The following ZDHHC14 variants were observed in gnomAD, a reference collection of about 807,000 sequenced individuals.
ZDHHC14 encodes palmitoyltransferase ZDHHC14.
Under a neutral mutation model 47.7 loss-of-function variants are expected in ZDHHC14, and 16 were observed. The observed-to-expected ratio is 0.34, with a 90% CI of 0.23 to 0.51. ZDHHC14 has a LOEUF of 0.51. Ranked by LOEUF, ZDHHC14 falls within the 20% of genes least tolerant of loss-of-function variation. ZDHHC14 has a pLI of 0.97. For synonymous variants in ZDHHC14, 293 were observed against 278.9 expected (o/e 1.05, Z -0.50); for missense variants, 515 against 662.5 (o/e 0.78, Z 2.44).
chr6:157,506,997 C>G (rs940559727), intron 1 of ZDHHC14, among the ~76,000 whole-genome samples: 1 of 152,186 alleles, frequency 6.6e-6, no homozygotes, highest in East Asian at 1.9e-4. Flanking sequence ...CCAGCCATCT[C>G]CTGTGACCCT....
At chr6:157,542,427 G>A (rs984429740) in intron 1 of ZDHHC14, among the ~76,000 whole-genome samples, 158 bp from the exon 2 acceptor site, 2 of 152,318 alleles carry the variant, frequency 1.3e-5, no homozygotes, top group Non-Finnish European at 2.9e-5. Flanking sequence ...CTCCCCAAAC[G>A]TAAATCTTTC....
intron 1 of ZDHHC14, among the ~76,000 whole-genome samples, chr6:157,432,833 TTCA>T (rs2114782669): frequency 6.6e-6 from 1 of 152,338 alleles, no homozygotes; most frequent in South Asian, 2.1e-4. Flanking sequence ...AAAACAGCTT[TTCA>T]TGCTTCTGGA....
chr6:157,382,684 T>A (rs148577310), intron 1 of ZDHHC14, among the ~76,000 whole-genome samples: 1 of 152,292 alleles, frequency 6.6e-6, no homozygotes, highest in Non-Finnish European at 1.5e-5. Flanking sequence ...ACTGACTTTT[T>A]CCCCCTTGCT....
rs564438368 is a variant in ZDHHC14 at position 157,541,375 on chromosome 6, G to A, written c.246-1210G>A. Among the ~76,000 whole-genome samples the A allele has an allele frequency of 1.2e-4, 18 of 152,248 alleles. No individual in the cohort carries two copies. The South Asian group carries it at 1.2e-3, about 11-fold the overall frequency. The stretch of plus-strand genomic sequence containing the variant: ...AAGTCCCAGACTCGTGCCAGCATCC[G>A]TTTGCCATCCATCAGAGACCTGAAC... On this transcript the variant is annotated intron_variant, in intron 1 of 8. Transcript: ENST00000359775.
At chr6:157,440,263 C>T (rs1778535518) in intron 1 of ZDHHC14, among the ~76,000 whole-genome samples, 1 of 152,016 alleles carries the variant, frequency 6.6e-6, no homozygotes, top group South Asian at 2.1e-4. Flanking sequence ...CTCAAATAGA[C>T]ATTTCTGCAA....
At chr6:157,613,859 A>G (rs552524825) in intron 3 of ZDHHC14, among the ~76,000 whole-genome samples, 2 of 152,248 alleles carry the variant, frequency 1.3e-5, no homozygotes, top group South Asian at 4.1e-4. Flanking sequence ...TTAAACCAGT[A>G]AGGAATGAAA....
At chr6:157,555,144 C>T (rs1459499144) in intron 2 of ZDHHC14, among the ~76,000 whole-genome samples, 1 of 152,230 alleles carries the variant, frequency 6.6e-6, no homozygotes, top group African/African-American at 2.4e-5. Flanking sequence ...TTTGGATGCA[C>T]CTTCCTCAAT....
intron 1 of ZDHHC14, among the ~76,000 whole-genome samples, chr6:157,415,778 G>A (rs1265176688): frequency 6.6e-6 from 1 of 152,004 alleles, no homozygotes; most frequent in Non-Finnish European, 1.5e-5. Flanking sequence ...GGAGGCTGAG[G>A]CAGGAGAATG....
chr6:157,493,523 T>C (rs972734978), intron 1 of ZDHHC14, among the ~76,000 whole-genome samples: 2 of 152,164 alleles, frequency 1.3e-5, no homozygotes, highest in Non-Finnish European at 2.9e-5. Flanking sequence ...GTCAGACGAA[T>C]TTCCTGGGAA....
chr6:157,672,905 A>G lies in ZDHHC14; in HGVS notation c.1250A>G (p.Asn417Ser), dbSNP rs764056998. The change falls in exon 9 of 9, where the codon AAC (asparagine) becomes AGC (serine). Residue 417 changes from asparagine (N) to serine (S), a missense_variant. Physicochemically the swap from Asn to Ser is conservative, Grantham distance 46 (BLOSUM62 1). This residue lies in a region of ZDHHC14 where 221 missense variants were observed against 233.6 expected (regional missense o/e 0.95). Coordinates refer to ENST00000359775, the MANE Select transcript of ZDHHC14 (RefSeq NM_024630.3). ...GPPTPPASMP[N>S]LAEATLADVM... ...CCCACACCGCCCGCCTCCATGCCCA[A>G]CCTCGCCGAGGCCACGCTCGCGGAC... is the stretch of plus-strand genomic sequence containing the variant. The G allele has an allele frequency of 2.4e-5, 38 of 1,605,216 alleles. No homozygotes were observed. Among genetic ancestry groups the G allele is most frequent in the Non-Finnish European group, 2.7e-5 (32 of 1,177,418 alleles).
At chr6:157,459,039 G>A (rs533594280) in intron 1 of ZDHHC14, among the ~76,000 whole-genome samples, 12 of 151,892 alleles carry the variant, frequency 7.9e-5, no homozygotes, top group Admixed American at 2.0e-4. Context: ...ATTTTTAGTA[G>A]AGACAGGGTT....
At chr6:157,640,552 G>C (rs1777200252) in intron 5 of ZDHHC14, among the ~76,000 whole-genome samples, 1 of 152,168 alleles carries the variant, frequency 6.6e-6, no homozygotes, top group Non-Finnish European at 1.5e-5. Flanking sequence ...AGGTAGGACA[G>C]GTGTCCTTAG....
chr6:157,609,519 A>G (rs556446101), intron 3 of ZDHHC14, among the ~76,000 whole-genome samples: 1 of 152,298 alleles, frequency 6.6e-6, no homozygotes, highest in African/African-American at 2.4e-5. Flanking sequence ...GTGATCTACA[A>G]TTTACAAAGC....
chr6:157,609,961 A>C (rs2114920571), intron 3 of ZDHHC14, among the ~76,000 whole-genome samples: 1 of 152,352 alleles, frequency 6.6e-6, no homozygotes, highest in South Asian at 2.1e-4. Flanking sequence ...GTAATCTCAC[A>C]ACATACTTTT....
Position 157,451,444 on chromosome 6 carries a change from C to T in ZDHHC14, c.245+69178C>T, listed in dbSNP as rs112841962. Among the ~76,000 whole-genome samples, 948 of 152,286 alleles carry T rather than the reference C, an allele frequency of 6.2e-3. 7 individuals are homozygous for T. The highest frequency in any genetic ancestry group is 0.021 in the African/African-American group (878 of 41,544). ...CCAGGTCCTAACACAGTGCTTGGCA[C>T]GTAGTAGGACCTTTATTTGATAAAC... On this transcript the variant is annotated intron_variant, in intron 1 of 8. Transcript: ENST00000359775.
At chr6:157,460,865 T>C (rs1351565745) in intron 1 of ZDHHC14, among the ~76,000 whole-genome samples, 3 of 152,232 alleles carry the variant, frequency 2.0e-5, no homozygotes, top group Non-Finnish European at 4.4e-5. Context: ...TGGGCCTTCT[T>C]ACACGGTCCT....
At chr6:157,657,127 C>G (rs117467505) in intron 8 of ZDHHC14, among the ~76,000 whole-genome samples, 16,240 of 152,050 alleles carry the variant, frequency 0.11, 1,087 homozygotes, top group Admixed American at 0.2. Flanking sequence ...CAGCTCACTG[C>G]AACCTTCACC....
At chr6:157,556,276 G>T (rs150258506) in intron 2 of ZDHHC14, among the ~76,000 whole-genome samples, 32,192 of 150,594 alleles carry the variant, frequency 0.21, 3,943 homozygotes, top group Middle Eastern at 0.32. Context: ...TGGGAAGGGG[G>T]GATGGCCAGC....
chr6:157,628,252 A>C (rs540748484), intron 3 of ZDHHC14, 97 bp from the exon 4 acceptor site: 3 of 1,213,728 alleles, frequency 2.5e-6, no homozygotes, highest in East Asian at 2.5e-5. Context: ...GTGTTATACT[A>C]TCAGAGTATT....
Sources: allele counts gnomAD v4.1 joint callset (sites outside exome capture counted in the v4.1 genomes callset), GRCh38; gene constraint gnomAD v4.1.1; regional missense constraint gnomAD v4.1.1; transcripts MANE v1.5; gene names NCBI Gene and HGNC (gene_info 2026-07-23, HGNC 2026-07-21).